The following ABTB3 variants were observed in gnomAD, a reference collection of about 807,000 sequenced individuals.
The protein encoded by ABTB3 is ankyrin repeat- and BTB/POZ domain-containing protein 3.
the ABTB3 span, among the ~76,000 whole-genome samples, chr12:107,626,343 C>CTTT: frequency 9.2e-4 from 103 of 112,456 alleles, 1 homozygote; most frequent in Non-Finnish European, 1.1e-3. Context: ...CTATCGTCAT[C>CTTT]TTTTTTTTTT....
At chr12:107,320,378 G>A in the ABTB3 span, among the ~76,000 whole-genome samples, 1 of 152,226 alleles carries the variant, frequency 6.6e-6, no homozygotes, top group Non-Finnish European at 1.5e-5. Flanking sequence ...CCATTTTTTG[G>A]AGCAGGGTTG....
At chr12:107,488,607 TTGAAG>T in the ABTB3 span, among the ~76,000 whole-genome samples, 1 of 151,812 alleles carries the variant, frequency 6.6e-6, no homozygotes, top group Non-Finnish European at 1.5e-5. Context: ...CAGGGAGCCA[TTGAAG>T]ATTTCTGAGC....
At chr12:107,505,604 G>T in the ABTB3 span, among the ~76,000 whole-genome samples, 1 of 151,902 alleles carries the variant, frequency 6.6e-6, no homozygotes, top group East Asian at 1.9e-4. Flanking sequence ...TTTAAGTGGG[G>T]GTTGTAGTAC....
At chr12:107,321,081 A>T in the ABTB3 span, among the ~76,000 whole-genome samples, 1 of 152,212 alleles carries the variant, frequency 6.6e-6, no homozygotes, top group East Asian at 1.9e-4. Context: ...CAAAGCTTCA[A>T]TTTTCCACAG....
the ABTB3 span, among the ~76,000 whole-genome samples, chr12:107,436,405 G>T: frequency 6.6e-6 from 1 of 152,236 alleles, no homozygotes; most frequent in Admixed American, 6.5e-5. Context: ...ATGCATGTGA[G>T]TGCAGTGAAC....
the ABTB3 span, among the ~76,000 whole-genome samples, chr12:107,555,066 T>C: frequency 5.9e-5 from 9 of 152,186 alleles, no homozygotes; most frequent in Non-Finnish European, 1.3e-4. Context: ...GTGGCCAGCC[T>C]GCAGAACTCT....
chr12:107,408,379 A>G, the ABTB3 span, among the ~76,000 whole-genome samples: 4 of 152,194 alleles, frequency 2.6e-5, no homozygotes, highest in Non-Finnish European at 4.4e-5. Context: ...CTAATTTGCA[A>G]ATTTAAAGAT....
At chr12:107,360,930 ATTT>A in the ABTB3 span, among the ~76,000 whole-genome samples, 23 of 84,452 alleles carry the variant, frequency 2.7e-4, 1 homozygote, top group East Asian at 1.9e-3. Context: ...ATTTAATTTA[ATTT>A]TTTTTTTTTT....
the ABTB3 span, among the ~76,000 whole-genome samples, chr12:107,481,514 G>A: frequency 6.6e-6 from 1 of 152,148 alleles, no homozygotes; most frequent in African/African-American, 2.4e-5. Context: ...AGGGACCTGA[G>A]AGGCCCTCTT....
chr12:107,480,253 C>T, the ABTB3 span, among the ~76,000 whole-genome samples: 1 of 152,000 alleles, frequency 6.6e-6, no homozygotes, highest in Non-Finnish European at 1.5e-5. Flanking sequence ...TAAAATAGCA[C>T]CTGATTGTGG....
the ABTB3 span, among the ~76,000 whole-genome samples, chr12:107,493,421 G>A: frequency 6.6e-6 from 1 of 152,174 alleles, no homozygotes; most frequent in Non-Finnish European, 1.5e-5. Flanking sequence ...CGTTTTCCCA[G>A]CAAACGGAGC....
the ABTB3 span, among the ~76,000 whole-genome samples, chr12:107,446,538 CCT>C: frequency 6.6e-6 from 1 of 152,106 alleles, no homozygotes; most frequent in Non-Finnish European, 1.5e-5. Flanking sequence ...CACTTTCTCC[CCT>C]GTGTCCCTCA....
chr12:107,402,381 G>C, the ABTB3 span, among the ~76,000 whole-genome samples: 3 of 152,288 alleles, frequency 2.0e-5, no homozygotes, highest in Non-Finnish European at 2.9e-5. Flanking sequence ...CGCCTAAGAG[G>C]CTGAGTCTTA....
At chr12:107,482,823 T>C in the ABTB3 span, among the ~76,000 whole-genome samples, 1 of 151,884 alleles carries the variant, frequency 6.6e-6, no homozygotes, top group South Asian at 2.1e-4. Context: ...CTTTCTTTCT[T>C]TCTTTTTCTT....
the ABTB3 span, among the ~76,000 whole-genome samples, chr12:107,436,816 A>C: frequency 3.3e-5 from 5 of 152,142 alleles, no homozygotes; most frequent in African/African-American, 1.2e-4. Context: ...ACATACCCCC[A>C]AAGTATGTGC....
At chr12:107,584,372 G>A in the ABTB3 span, among the ~76,000 whole-genome samples, 6 of 152,322 alleles carry the variant, frequency 3.9e-5, no homozygotes, top group East Asian at 9.7e-4. Flanking sequence ...TTGAGGTTAT[G>A]GGACTTATCC....
At chr12:107,454,370 G>A in the ABTB3 span, among the ~76,000 whole-genome samples, 1 of 152,224 alleles carries the variant, frequency 6.6e-6, no homozygotes, top group African/African-American at 2.4e-5. Flanking sequence ...CGGGTGCTCT[G>A]CACTGCACAG....
chr12:107,349,337 A>G, the ABTB3 span, among the ~76,000 whole-genome samples: 1 of 152,234 alleles, frequency 6.6e-6, no homozygotes, highest in African/African-American at 2.4e-5. Flanking sequence ...GCATCATCAC[A>G]GTGAGCAATT....
At chr12:107,575,217 T>C in the ABTB3 span, among the ~76,000 whole-genome samples, 1 of 152,242 alleles carries the variant, frequency 6.6e-6, no homozygotes, top group African/African-American at 2.4e-5. Context: ...CTATAGCATC[T>C]GCAGAGGTTT....
Sources: gnomAD v4.1 joint callset for allele counts (sites outside exome capture counted in the v4.1 genomes callset) on GRCh38, gnomAD v4.1.1 for gene constraint, MANE v1.5 for transcripts, NCBI Gene and HGNC (gene_info 2026-07-23, HGNC 2026-07-21) for gene names.